MAMDC2: variants seen among roughly 807,000 people sequenced by gnomAD.
MAMDC2 encodes MAM domain-containing protein 2.
A neutral mutation model predicts 89.8 loss-of-function variants in MAMDC2; 57 were observed. The ratio of observed to expected loss-of-function variants is 0.63; its 90% CI spans 0.51 to 0.79. The LOEUF is 0.79. Among genes scored for constraint, MAMDC2 ranks in the 30% least tolerant of loss-of-function variants. The pLI is 0.00. For synonymous variants in MAMDC2, 313 were observed against 293.4 expected, an observed-to-expected ratio of 1.07 and a Z score of -0.68; for missense variants, 800 against 820.6, an observed-to-expected ratio of 0.97 and a Z score of 0.31.
chr9:70,100,017 A>AGAGAGAGAGAGC (rs994946595), intron 2 of MAMDC2, among the ~76,000 whole-genome samples: 2 of 131,418 alleles, frequency 1.5e-5, no homozygotes, highest in South Asian at 2.6e-4. Context: ...AGAGAGAGAG[A>AGAGAGAGAGAGC]GAGAGAGCAC....
At chr9:70,143,871 TTGTGAATGTCCGTCTAGCTAC>T (rs755977027) in intron 9 of MAMDC2, 52 bp downstream of exon 9, 3 of 1,588,386 alleles carry the variant, frequency 1.9e-6, no homozygotes, top group Admixed American at 1.7e-5. Flanking sequence ...TGGACTAGTT[TTGTGAATGTCCGTCTAGCTAC>T]TGTCAACTGG....
chr9:70,067,586 G>A (rs1433716580), intron 2 of MAMDC2, among the ~76,000 whole-genome samples: 4 of 152,166 alleles, frequency 2.6e-5, no homozygotes, highest in African/African-American at 7.2e-5. Context: ...TGAGCAAAAA[G>A]TAATTGATTC....
chr9:70,159,352 G>A (rs75344217), intron 9 of MAMDC2, among the ~76,000 whole-genome samples: 10,480 of 152,200 alleles, frequency 0.069, 577 homozygotes, highest in East Asian at 0.22. Context: ...CATATTGTCT[G>A]TTATTAGGAG....
intron 7 of MAMDC2, among the ~76,000 whole-genome samples, chr9:70,134,564 C>T (rs2030935162): frequency 6.6e-6 from 1 of 152,192 alleles, no homozygotes; most frequent in Non-Finnish European, 1.5e-5. Context: ...CCACCCCACA[C>T]CCAGTGACTG....
chr9:70,205,688 A>C (rs532186706), intron 11 of MAMDC2, among the ~76,000 whole-genome samples: 6 of 152,324 alleles, frequency 3.9e-5, no homozygotes, highest in African/African-American at 1.4e-4. Context: ...CTTGAATGTT[A>C]AACAGTGACC....
chr9:70,210,864 G>T (rs1257561283), intron 11 of MAMDC2, among the ~76,000 whole-genome samples: 2 of 152,148 alleles, frequency 1.3e-5, no homozygotes, highest in African/African-American at 2.4e-5. Context: ...GTCTATAAAG[G>T]ATTTTATTTC....
chr9:70,127,904 C>T (rs895771638), intron 6 of MAMDC2, among the ~76,000 whole-genome samples: 1 of 152,206 alleles, frequency 6.6e-6, no homozygotes, highest in Non-Finnish European at 1.5e-5. Flanking sequence ...ACAGCGTTCT[C>T]TTTACCAACT....
chr9:70,089,242 G>A (rs1307930135), intron 2 of MAMDC2: 1 of 152,136 alleles, frequency 6.6e-6, no homozygotes, highest in East Asian at 1.9e-4. Flanking sequence ...CTGGGCACTT[G>A]TTCTCTAGAA....
chr9:70,160,204 C>G (rs2031923271), intron 9 of MAMDC2, among the ~76,000 whole-genome samples: 2 of 151,794 alleles, frequency 1.3e-5, no homozygotes, highest in African/African-American at 2.4e-5. Context: ...AGAGGGAGAC[C>G]CTGTCTCCAG....
intron 2 of MAMDC2, chr9:70,060,552 A>G (rs2118027268): frequency 6.6e-6 from 1 of 152,336 alleles, no homozygotes; most frequent in East Asian, 1.9e-4. Flanking sequence ...CTGGGAAAAC[A>G]GATTTATTTC....
At chr9:70,136,756 T>C (rs966040675) in intron 7 of MAMDC2, among the ~76,000 whole-genome samples, 2 of 152,184 alleles carry the variant, frequency 1.3e-5, no homozygotes, top group Non-Finnish European at 2.9e-5. Context: ...CTCTGTAGAT[T>C]TGGGATTTTT....
At chr9:70,074,883 T>C (rs1041147388) in intron 2 of MAMDC2, among the ~76,000 whole-genome samples, 2 of 152,246 alleles carry the variant, frequency 1.3e-5, no homozygotes, top group African/African-American at 2.4e-5. Context: ...CCTTGAATTA[T>C]GTAGCCTGTC....
At chr9:70,188,907 A>G (rs1187726500) in intron 11 of MAMDC2, among the ~76,000 whole-genome samples, 1 of 151,600 alleles carries the variant, frequency 6.6e-6, no homozygotes, top group Non-Finnish European at 1.5e-5. Flanking sequence ...CCTGGCCCTC[A>G]ATTAATAACT....
At chr9:70,137,273 T>G (rs2031045108) in intron 7 of MAMDC2, among the ~76,000 whole-genome samples, 1 of 152,236 alleles carries the variant, frequency 6.6e-6, no homozygotes, top group South Asian at 2.1e-4. Context: ...ATTAAGATTT[T>G]GCCATGTTTG....
At chr9:70,101,305 T>C (rs1828187186) in intron 2 of MAMDC2, among the ~76,000 whole-genome samples, 1 of 152,194 alleles carries the variant, frequency 6.6e-6, no homozygotes, top group African/African-American at 2.4e-5. Context: ...TTTTTTTTAA[T>C]TTATAAAGTA....
chr9:70,185,547 C>T (rs1398056430), intron 11 of MAMDC2, among the ~76,000 whole-genome samples: 3 of 152,166 alleles, frequency 2.0e-5, no homozygotes, highest in African/African-American at 4.8e-5. Flanking sequence ...GGAATTTTAT[C>T]TATAAGCTGC....
chr9:70,044,386 TGGGGTG>T (rs10600606), intron 1 of MAMDC2, among the ~76,000 whole-genome samples, 155 bp downstream of exon 1: 135,648 of 151,288 alleles, frequency 0.9, 60,875 homozygotes, highest in Middle Eastern at 0.94. Context: ...TGGCCAAGCC[TGGGGTG>T]GGGGTGGGGG....
chr9:70,064,471 TC>T, intron 2 of MAMDC2, among the ~76,000 whole-genome samples: 1 of 152,324 alleles, frequency 6.6e-6, no homozygotes, highest in Admixed American at 6.5e-5. Context: ...CTTCTTTTCC[TC>T]CAAATCCCAA....
At chr9:70,166,471 T>G (rs1270418300) in intron 9 of MAMDC2, among the ~76,000 whole-genome samples, 1 of 152,162 alleles carries the variant, frequency 6.6e-6, no homozygotes, top group South Asian at 2.1e-4. Context: ...TATTTTTAGA[T>G]GAACTAGATA....
Sources: gnomAD v4.1 joint callset for allele counts (sites outside exome capture counted in the v4.1 genomes callset) on GRCh38, gnomAD v4.1.1 for gene constraint, MANE v1.5 for transcripts, NCBI Gene and HGNC (gene_info 2026-07-23, HGNC 2026-07-21) for gene names.